Variants in MANEA observed in about 807,000 individuals in gnomAD.
The protein encoded by MANEA is mannosidase endo-alpha, also known as glycoprotein endo-alpha-1,2-mannosidase.
A neutral mutation model predicts 36.8 loss-of-function variants in MANEA; 25 were observed. The observed-to-expected ratio is 0.68, with a 90% confidence interval of 0.50 to 0.95. The LOEUF is 0.95. Ranked by LOEUF, MANEA falls within the 40% of genes least tolerant of loss-of-function variation. The pLI, the probability that MANEA is intolerant of heterozygous loss-of-function variation, is 0.00. For synonymous variants in MANEA, 198 were observed against 188.5 expected, an observed-to-expected ratio of 1.05 and a Z score of -0.41; for missense variants, 565 against 558.8, an observed-to-expected ratio of 1.01 and a Z score of -0.11.
In MANEA at chr6:95,596,871, T is replaced by C. The variant is rs775698154; in HGVS notation, c.654+25T>C. 1.7e-5 allele frequency: 20 copies of C among 1,191,650 alleles called. No homozygotes were observed. In the Admixed American group the frequency reaches 3.3e-4, roughly 20 times the overall value. 73.8% of individuals were successfully genotyped at this position (1,191,650 alleles called of 1,614,324 possible). A position where few individuals can be genotyped will look rare whatever the true frequency, so the allele number is the denominator to read the frequency against. On this transcript the variant is annotated intron_variant, in intron 3 of 4. Coordinates refer to ENST00000358812, the MANE Select transcript of MANEA (RefSeq NM_024641.4). ...GGTATTTTATTTTATTTTCAAGCTA[T>C]ACATAAGTTAATTCTTTTGGACAAG...
chr6:95,587,030 C>T (rs1271110271), intron 2 of MANEA, 47 bp downstream of exon 2: 3 of 1,086,274 alleles, frequency 2.8e-6, no homozygotes, highest in Middle Eastern at 2.2e-4. Flanking sequence ...TGTATATATG[C>T]ATATAAATGA....
Position 95,604,897 on chromosome 6 carries a change from T to TATA in MANEA, c.726_727insTAA (p.Ile242_Asp243insTer), listed in dbSNP as rs1478842269. The TATA allele has an allele frequency of 7.5e-7, 1 of 1,330,638 alleles. No individual in the cohort carries two copies. Among genetic ancestry groups the TATA allele is most frequent in the South Asian group, 1.5e-5 (1 of 65,464 alleles). The allele number at this position is 1,330,638 out of a possible 1,614,324, so 82.4% of individuals were successfully genotyped here. On this transcript the variant is annotated stop_gained and inframe_insertion, in exon 4 of 5. Coordinates refer to ENST00000358812, the MANE Select transcript of MANEA (RefSeq NM_024641.4). LOFTEE classifies it high-confidence loss of function. ...ATGTACAAAAATGTCAAGTATATTA[T>TATA]AGACAAGTGAGTTTCTTCAATATTT... is the stretch of plus-strand genomic sequence containing the variant.
intron 2 of MANEA, among the ~76,000 whole-genome samples, chr6:95,587,924 T>A (rs1335774137): frequency 6.6e-6 from 1 of 152,104 alleles, no homozygotes; most frequent in Non-Finnish European, 1.5e-5. Context: ...TTTTATATTT[T>A]CTTCTGGCTT....
intron 2 of MANEA, among the ~76,000 whole-genome samples, chr6:95,589,369 A>G (rs1383419107): frequency 3.3e-5 from 5 of 152,124 alleles, no homozygotes; most frequent in Admixed American, 6.6e-5. Flanking sequence ...TTTGATATAA[A>G]TGGCCTTCTT....
chr6:95,592,733 G>C (rs1769406164), intron 2 of MANEA, among the ~76,000 whole-genome samples: 1 of 152,044 alleles, frequency 6.6e-6, no homozygotes, highest in African/African-American at 2.4e-5. Context: ...TCTGCATGAT[G>C]CATTCTCTCA....
intron 3 of MANEA, among the ~76,000 whole-genome samples, chr6:95,602,208 C>T (rs750246694): frequency 1.5e-4 from 23 of 152,174 alleles, no homozygotes; most frequent in South Asian, 8.3e-4. Flanking sequence ...ATTCATTTAG[C>T]ACCTGCTACG....
intron 2 of MANEA, chr6:95,588,213 C>G (rs1312573255): frequency 6.6e-6 from 1 of 151,990 alleles, no homozygotes; most frequent in Non-Finnish European, 1.5e-5. Context: ...ACCAGTAGAG[C>G]TAGAACAAGA....
intron 2 of MANEA, among the ~76,000 whole-genome samples, chr6:95,590,560 GAC>G (rs922530626): frequency 2.2e-4 from 33 of 152,222 alleles, no homozygotes; most frequent in African/African-American, 7.7e-4. Flanking sequence ...AGATGAATTA[GAC>G]ACATAAAGTT....
intron 2 of MANEA, among the ~76,000 whole-genome samples, chr6:95,590,431 G>A (rs1323881090): frequency 1.3e-5 from 2 of 152,098 alleles, no homozygotes; most frequent in African/African-American, 2.4e-5. Context: ...AACACTGGAT[G>A]GATTTCAACA....
chr6:95,589,760 C>T (rs1769353298), intron 2 of MANEA, among the ~76,000 whole-genome samples: 1 of 152,052 alleles, frequency 6.6e-6, no homozygotes, highest in African/African-American at 2.4e-5. Context: ...AAATAGCCCC[C>T]ATTTTCTGAT....
intron 3 of MANEA, among the ~76,000 whole-genome samples, chr6:95,604,065 T>TGTGTGTGTGG (rs1445847346): frequency 6.7e-6 from 1 of 149,874 alleles, no homozygotes; most frequent in Non-Finnish European, 1.5e-5. Flanking sequence ...TATGTAGGTG[T>TGTGTGTGTGG]GTGTGTGTGT....
At chr6:95,578,130 C>T (rs891614709) in intron 1 of MANEA, among the ~76,000 whole-genome samples, 1 of 152,174 alleles carries the variant, frequency 6.6e-6, no homozygotes, top group African/African-American at 2.4e-5. Flanking sequence ...GCTGTCGCCT[C>T]TGGGCATCGG....
At chr6:95,584,460 G>T (rs1368664422) in intron 1 of MANEA, among the ~76,000 whole-genome samples, 5 of 152,106 alleles carry the variant, frequency 3.3e-5, no homozygotes, top group Non-Finnish European at 7.4e-5. Context: ...ACTGAGATAC[G>T]CCCTGGTCTC....
chr6:95,581,047 A>G (rs1769170393), intron 1 of MANEA, among the ~76,000 whole-genome samples: 1 of 152,234 alleles, frequency 6.6e-6, no homozygotes, highest in African/African-American at 2.4e-5. Context: ...CATCCTCACA[A>G]AAATCCTATG....
At chr6:95,591,207 T>A (rs930260292) in intron 2 of MANEA, among the ~76,000 whole-genome samples, 30 of 152,342 alleles carry the variant, frequency 2.0e-4, no homozygotes, top group Non-Finnish European at 7.4e-5. Context: ...TCCAAGTGTA[T>A]GTCTAATATC....
intron 2 of MANEA, among the ~76,000 whole-genome samples, chr6:95,594,853 G>T (rs1050404561): frequency 1.3e-5 from 2 of 152,194 alleles, no homozygotes; most frequent in Non-Finnish European, 2.9e-5. Flanking sequence ...TTTGCTTGGG[G>T]CAAACAGACC....
At chr6:95,603,285 A>T (rs1769634729) in intron 3 of MANEA, among the ~76,000 whole-genome samples, 1 of 151,986 alleles carries the variant, frequency 6.6e-6, no homozygotes, top group Admixed American at 6.6e-5. Context: ...GAAATTTAGA[A>T]AACACAGTGA....
chr6:95,587,883 T>A (rs1315385012), intron 2 of MANEA, among the ~76,000 whole-genome samples: 1 of 152,098 alleles, frequency 6.6e-6, no homozygotes, highest in Non-Finnish European at 1.5e-5. Context: ...TTTTTCTTCC[T>A]TCTCTTACAT....
chr6:95,588,490 T>TAA (rs1002827161), intron 2 of MANEA, among the ~76,000 whole-genome samples: 1 of 152,032 alleles, frequency 6.6e-6, no homozygotes, highest in African/African-American at 2.4e-5. Flanking sequence ...TTGGGTCAGT[T>TAA]AAGACAGCAT....
Sources: gnomAD v4.1 joint callset for allele counts (sites outside exome capture counted in the v4.1 genomes callset) on GRCh38, gnomAD v4.1.1 for gene constraint, MANE v1.5 for transcripts, NCBI Gene and HGNC (gene_info 2026-07-23, HGNC 2026-07-21) for gene names.